PAK5: variants seen among roughly 807,000 people sequenced by gnomAD.
The protein encoded by PAK5 is serine/threonine-protein kinase PAK 5.
A neutral mutation model predicts 65.9 loss-of-function variants in PAK5; 16 were observed. The observed-to-expected ratio is 0.24, with a 90% CI of 0.16 to 0.37. PAK5 has a LOEUF of 0.37. Among genes scored for constraint, PAK5 ranks in the 10% least tolerant of loss-of-function variants. PAK5 has a pLI of 1.00. For synonymous variants in PAK5, 371 were observed against 354.9 expected (o/e 1.05, Z -0.51); for missense variants, 785 against 903.9 (o/e 0.87, Z 1.69).
At chr20:9,696,521 C>T (rs2047871978) in intron 2 of PAK5, among the ~76,000 whole-genome samples, 1 of 152,100 alleles carries the variant, frequency 6.6e-6, no homozygotes, top group African/African-American at 2.4e-5. Flanking sequence ...CTCACATCTT[C>T]CAAATAGGAC....
At chr20:9,542,548 A>C (rs1213932156) in intron 9 of PAK5, 38 bp downstream of exon 9, 15 of 1,612,262 alleles carry the variant, frequency 9.3e-6, no homozygotes, top group Non-Finnish European at 1.2e-5. Context: ...AAAATCCAAA[A>C]ACTATTCTGA....
At chr20:9,794,345 T>A (rs1198279307) in intron 1 of PAK5, among the ~76,000 whole-genome samples, 3 of 151,986 alleles carry the variant, frequency 2.0e-5, no homozygotes, top group South Asian at 2.1e-4. Context: ...AAGAAAAATT[T>A]AAAAAATTTA....
Position 9,557,676 on chromosome 20 carries a change from G to A in PAK5, c.1675C>T (p.Leu559Phe), listed in dbSNP as rs1243986113. ...CLSVLRALSYLHNQGVIHRDI... is the reference protein window; with the variant it reads ...CLSVLRALSYFHNQGVIHRDI... ...CTGTGAATCACTCCTTGGTTATGAAGGTAGGAGAGAGCTCTCAGAACTGAC... is the reference window on the plus strand; with the variant it reads ...CTGTGAATCACTCCTTGGTTATGAAAGTAGGAGAGAGCTCTCAGAACTGAC... The change falls in exon 7 of 10, where the codon CTT becomes TTT. Residue 559 changes from leucine (L) to phenylalanine (F), a missense_variant. By Grantham distance (22) the Leu-to-Phe change is conservative. Transcript: ENST00000353224. 6.2e-7 allele frequency: 1 copy of A among 1,610,676 alleles called. No homozygotes were observed. Among genetic ancestry groups the A allele is most frequent in the Non-Finnish European group, 8.5e-7 (1 of 1,177,126 alleles).
intron 2 of PAK5, among the ~76,000 whole-genome samples, chr20:9,709,662 G>A (rs2048053878): frequency 6.6e-6 from 1 of 152,070 alleles, no homozygotes; most frequent in Admixed American, 6.6e-5. Context: ...GATCTGGGGT[G>A]GAGGAAGGAA....
chr20:9,611,074 T>A (rs1199239515), intron 3 of PAK5, among the ~76,000 whole-genome samples: 1 of 152,214 alleles, frequency 6.6e-6, no homozygotes, highest in Non-Finnish European at 1.5e-5. Context: ...AAATTTTTAT[T>A]GTTGGTAAAT....
intron 1 of PAK5, among the ~76,000 whole-genome samples, chr20:9,744,243 T>G (rs2048482192): frequency 1.3e-5 from 2 of 152,348 alleles, no homozygotes; most frequent in South Asian, 2.1e-4. Flanking sequence ...TTGAGGTAAT[T>G]GGTTACAGTG....
At chr20:9,544,123 C>T (rs1603190683) in intron 8 of PAK5, among the ~76,000 whole-genome samples, 1 of 152,254 alleles carries the variant, frequency 6.6e-6, no homozygotes, top group Middle Eastern at 3.4e-3. Context: ...AGTGACTTTC[C>T]CACAGTGTCC....
Position 9,827,934 on chromosome 20 carries a change from C to T in PAK5, c.-162+10828G>A, listed in dbSNP as rs531047009. Among the ~76,000 whole-genome samples, 7 of 152,326 alleles carry T rather than the reference C, an allele frequency of 4.6e-5. No homozygotes were observed. The East Asian group carries it at 7.7e-4, about 17-fold the overall frequency. ...GCAACATCTGCCTCCCGGGTTCAAG[C>T]GATTCTCTTGCCTCAGCATCCCAAG... On this transcript the variant is annotated intron_variant, in intron 1 of 9. Coordinates refer to ENST00000353224, the MANE Select transcript of PAK5 (RefSeq NM_177990.4).
intron 3 of PAK5, among the ~76,000 whole-genome samples, chr20:9,585,412 C>T (rs1212610206): frequency 6.6e-6 from 1 of 152,180 alleles, no homozygotes; most frequent in Non-Finnish European, 1.5e-5. Flanking sequence ...CTATGGTATG[C>T]TTTAGACTCT....
chr20:9,542,629 C>T lies in PAK5; in HGVS notation c.1961G>A (p.Arg654Lys). ...TCTTGGAGGTAAACTGTCCCGGATCCTCCGCATCGCCTGGAGGGGAGGCTC... is the reference window on the plus strand; with the variant it reads ...TCTTGGAGGTAAACTGTCCCGGATCTTCCGCATCGCCTGGAGGGGAGGCTC... ...FNEPPLQAMR[R>K]IRDSLPPRVK... The change falls in exon 9 of 10, where the codon AGG (arginine) becomes AAG (lysine). Residue 654 changes from arginine (R) to lysine (K), a missense_variant. By Grantham distance (26) the Arg-to-Lys change is conservative. Transcript: ENST00000353224. The T allele has an allele frequency of 6.2e-7, 1 of 1,614,096 alleles. No individual in the cohort carries two copies. Among genetic ancestry groups the T allele is most frequent in the Non-Finnish European group, 8.5e-7 (1 of 1,179,986 alleles).
intron 2 of PAK5, among the ~76,000 whole-genome samples, chr20:9,657,636 T>C (rs1224347506): frequency 1.3e-5 from 2 of 152,222 alleles, no homozygotes; most frequent in African/African-American, 4.8e-5. Context: ...CCTTACATTA[T>C]ATTTCTACTG....
intron 1 of PAK5, among the ~76,000 whole-genome samples, chr20:9,717,930 A>C (rs2048169361): frequency 6.6e-6 from 1 of 151,972 alleles, no homozygotes; most frequent in African/African-American, 2.4e-5. Flanking sequence ...GCCATTTTGT[A>C]CTTCATTTAA....
chr20:9,702,274 G>A (rs2047949371), intron 2 of PAK5, among the ~76,000 whole-genome samples: 1 of 152,074 alleles, frequency 6.6e-6, no homozygotes, highest in East Asian at 1.9e-4. Flanking sequence ...CCAGAAGACA[G>A]CCAATGTTTC....
intron 6 of PAK5, 32 bp downstream of exon 6, chr20:9,562,859 C>A (rs1473577635): frequency 1.3e-6 from 2 of 1,595,832 alleles, no homozygotes; most frequent in Non-Finnish European, 1.7e-6. Flanking sequence ...ATAAGAAGCA[C>A]CTCGAATTCT....
intron 3 of PAK5, among the ~76,000 whole-genome samples, chr20:9,599,929 C>T (rs1170929271): frequency 6.6e-6 from 1 of 151,956 alleles, no homozygotes; most frequent in Non-Finnish European, 1.5e-5. Flanking sequence ...ATTACTAAAT[C>T]CAATGTCATG....
intron 1 of PAK5, among the ~76,000 whole-genome samples, chr20:9,812,478 A>C (rs192688398): frequency 1.3e-5 from 2 of 152,170 alleles, no homozygotes; most frequent in Non-Finnish European, 1.5e-5. Context: ...AAGACTTACT[A>C]TAAAGTGTTG....
intron 2 of PAK5, among the ~76,000 whole-genome samples, chr20:9,693,501 A>T (rs1015907418): frequency 6.6e-6 from 1 of 151,548 alleles, no homozygotes; most frequent in Non-Finnish European, 1.5e-5. Flanking sequence ...CATACACTAC[A>T]CAATTTCCCC....
At chr20:9,560,440 G>A (rs2045574545) in intron 6 of PAK5, among the ~76,000 whole-genome samples, 1 of 152,110 alleles carries the variant, frequency 6.6e-6, no homozygotes, top group African/African-American at 2.4e-5. Flanking sequence ...GCTCACTGCA[G>A]CCTTGAACTT....
At chr20:9,677,651 A>G (rs2047593052) in intron 2 of PAK5, among the ~76,000 whole-genome samples, 1 of 152,202 alleles carries the variant, frequency 6.6e-6, no homozygotes, top group African/African-American at 2.4e-5. Flanking sequence ...GACCATTTGG[A>G]TTTCAGTTTG....
Sources: allele counts gnomAD v4.1 joint callset (sites outside exome capture counted in the v4.1 genomes callset), GRCh38; gene constraint gnomAD v4.1.1; transcripts MANE v1.5; gene names NCBI Gene and HGNC (gene_info 2026-07-23, HGNC 2026-07-21).